Variants in PRRG1 observed in about 807,000 individuals in gnomAD.
PRRG1 encodes transmembrane gamma-carboxyglutamic acid protein 1.
In PRRG1, 5 loss-of-function variants were observed where a neutral mutation model predicts 11.8. The ratio of observed to expected loss-of-function variants is 0.42; its 90% CI spans 0.22 to 0.89. The LOEUF (loss-of-function observed/expected upper bound fraction) is 0.89. PRRG1 is among the 40% of genes least tolerant of loss of function. PRRG1 has a pLI of 0.28. For missense variants in PRRG1, 155 were observed against 166.1 expected (o/e 0.93, Z 0.37); for synonymous variants, 66 against 60.4 (o/e 1.09, Z -0.43).
At chrX:37,420,703 A>C (rs1409909833) in intron 2 of PRRG1, among the ~76,000 whole-genome samples, 1 of 107,618 alleles carries the variant, frequency 9.3e-6, no homozygotes, top group Non-Finnish European at 1.9e-5. Context: ...GAAAGAAAAA[A>C]GAAAAAAGAG....
chrX:37,373,998 TC>T (rs781799351), intron 1 of PRRG1, among the ~76,000 whole-genome samples: 1 of 112,018 alleles, frequency 8.9e-6, no homozygotes, highest in Non-Finnish European at 1.9e-5. Context: ...TTGAATTTTA[TC>T]AAATGCTTTT....
chrX:37,354,777 CA>C (rs1414748915), intron 1 of PRRG1, among the ~76,000 whole-genome samples: 2 of 111,256 alleles, frequency 1.8e-5, no homozygotes, highest in East Asian at 2.8e-4. Flanking sequence ...TTGATGACCA[CA>C]AGGTTTTCTT....
chrX:37,436,292 G>A (rs1932884374), intron 3 of PRRG1, among the ~76,000 whole-genome samples: 1 of 111,938 alleles, frequency 8.9e-6, no homozygotes, highest in African/African-American at 3.2e-5. Context: ...TAGAAACTGA[G>A]TTATTGATAT....
chrX:37,453,805 TTGCTAGGGGAAATATA>T lies in PRRG1; in HGVS notation c.*187_*202del, dbSNP rs1282835887. ...ATAGAATCATTATCCATGCTCATTT[TTGCTAGGGGAAATATA>T]TGAAGAGGGAAAACATACTAATGGG... On this transcript the variant is annotated 3_prime_UTR_variant, in exon 4 of 4. Transcript: ENST00000378628. 2 of 489,518 alleles carry T rather than the reference TTGCTAGGGGAAATATA, an allele frequency of 4.1e-6. No individual in the cohort carries two copies. Among genetic ancestry groups the T allele is most frequent in the East Asian group, 4.1e-5 (1 of 24,499 alleles). 40.3% of individuals were successfully genotyped at this position (489,518 alleles called of 1,213,427 possible). A position where few individuals can be genotyped will look rare whatever the true frequency, so the allele number is the denominator to read the frequency against.
chrX:37,420,968 A>G (rs1932646135), intron 2 of PRRG1, among the ~76,000 whole-genome samples: 1 of 111,876 alleles, frequency 8.9e-6, no homozygotes, highest in African/African-American at 3.2e-5. Flanking sequence ...ACCTTGAAGA[A>G]CATCCGTCAT....
At chrX:37,439,480 A>G (rs1932935302) in intron 3 of PRRG1, among the ~76,000 whole-genome samples, 1 of 111,965 alleles carries the variant, frequency 8.9e-6, no homozygotes, top group African/African-American at 3.3e-5. Flanking sequence ...CCATGTTCTC[A>G]TTACAGCATA....
chrX:37,379,031 CTTTTTTTTTTTT>C (rs56857980), intron 1 of PRRG1, among the ~76,000 whole-genome samples: 4 of 28,774 alleles, frequency 1.4e-4, no homozygotes, highest in Non-Finnish European at 1.8e-4. Flanking sequence ...CATCTTTTTG[CTTTTTTTTTTTT>C]TTTTTTTTTT....
chrX:37,385,706 G>A (rs1338986162), intron 1 of PRRG1, among the ~76,000 whole-genome samples: 2 of 109,943 alleles, frequency 1.8e-5, no homozygotes, highest in African/African-American at 6.6e-5. Flanking sequence ...GGCTGGGGCT[G>A]CAGTCATCCA....
rs1474342365 is a variant in PRRG1 at position 37,455,087 on chromosome X, GAC to G, written c.*1467_*1468del. The G allele has an allele frequency of 9.0e-6, 1 of 111,346 alleles. No homozygotes were observed. Among genetic ancestry groups the G allele is most frequent in the Non-Finnish European group, 1.9e-5 (1 of 53,068 alleles). The allele number at this position is 111,346 out of a possible 1,213,427, so 9.2% of individuals were successfully genotyped here. ...TGCTGCTTCCAGCTCCATCCCTACA[GAC>G]TCCTCCCCGAGTCCTGCCCTGGAAC... On this transcript the variant is annotated 3_prime_UTR_variant, in exon 4 of 4. Transcript: ENST00000378628.
intron 1 of PRRG1, among the ~76,000 whole-genome samples, chrX:37,370,323 A>T (rs1164504381): frequency 8.9e-6 from 1 of 112,132 alleles, no homozygotes; most frequent in Non-Finnish European, 1.9e-5. Flanking sequence ...TCTCTTTGAC[A>T]TACTGATTTA....
chrX:37,446,721 C>T (rs925732724), intron 3 of PRRG1, among the ~76,000 whole-genome samples: 4 of 111,609 alleles, frequency 3.6e-5, no homozygotes, highest in Non-Finnish European at 7.5e-5. Flanking sequence ...GTTCAAGGGG[C>T]ATGGGGCTAG....
intron 3 of PRRG1, among the ~76,000 whole-genome samples, chrX:37,444,682 A>G (rs1400997425): frequency 1.8e-5 from 2 of 111,234 alleles, no homozygotes; most frequent in African/African-American, 6.6e-5. Flanking sequence ...CTTCACTTGT[A>G]TACATTAGCA....
intron 3 of PRRG1, among the ~76,000 whole-genome samples, chrX:37,426,878 A>G (rs1232391339): frequency 8.9e-6 from 1 of 111,748 alleles, no homozygotes; most frequent in African/African-American, 3.2e-5. Flanking sequence ...AAAATAGTAT[A>G]TGTTCATTGT....
At chrX:37,449,220 C>A (rs1556395964) in intron 3 of PRRG1, among the ~76,000 whole-genome samples, 1 of 111,478 alleles carries the variant, frequency 9.0e-6, no homozygotes, top group Non-Finnish European at 1.9e-5. Context: ...CCTTTAATGT[C>A]ATTCTCTTTC....
intron 3 of PRRG1, chrX:37,440,765 T>C (rs1304356444): frequency 2.0e-6 from 1 of 507,978 alleles, no homozygotes; most frequent in African/African-American, 2.3e-5. Flanking sequence ...CTATTTTATT[T>C]TATTATTGTT....
At chrX:37,368,266 C>T (rs923098377) in intron 1 of PRRG1, among the ~76,000 whole-genome samples, 6 of 112,132 alleles carry the variant, frequency 5.4e-5, no homozygotes, top group Non-Finnish European at 1.1e-4. Flanking sequence ...ATTGCTGAAA[C>T]AAGATTGTTA....
intron 3 of PRRG1, among the ~76,000 whole-genome samples, chrX:37,447,009 G>A (rs1273513919): frequency 1.8e-5 from 2 of 110,979 alleles, no homozygotes; most frequent in Non-Finnish European, 3.8e-5. Flanking sequence ...ACACTGCCAC[G>A]CTGGTAATTT....
intron 1 of PRRG1, among the ~76,000 whole-genome samples, chrX:37,351,535 T>A (rs1484889240): frequency 9.0e-6 from 1 of 111,394 alleles, no homozygotes; most frequent in Non-Finnish European, 1.9e-5. Flanking sequence ...AAAAAGATAG[T>A]AATTCATATT....
intron 1 of PRRG1, among the ~76,000 whole-genome samples, chrX:37,359,945 G>A (rs1930362172): frequency 9.0e-6 from 1 of 111,536 alleles, no homozygotes; most frequent in Non-Finnish European, 1.9e-5. Context: ...GGATAAAATT[G>A]TTCATAATAT....
Sources: allele counts gnomAD v4.1 joint callset (sites outside exome capture counted in the v4.1 genomes callset), GRCh38; gene constraint gnomAD v4.1.1; transcripts MANE v1.5; gene names NCBI Gene and HGNC (gene_info 2026-07-23, HGNC 2026-07-21).